Variants in CSMD1 observed in about 807,000 individuals in gnomAD.
CSMD1 encodes the protein CUB and Sushi multiple domains 1.
Under a neutral mutation model 417.5 loss-of-function variants are expected in CSMD1, and 213 were observed. That is an observed-to-expected ratio of 0.51 (90% CI 0.46 to 0.57). CSMD1 has a LOEUF of 0.57. CSMD1 is among the 20% of genes least tolerant of loss of function. The pLI is 0.00. For synonymous variants in CSMD1, 2,862 were observed against 1,736.8 expected, an observed-to-expected ratio of 1.65 and a Z score of -16.11; for missense variants, 6,923 against 4,529.7, an observed-to-expected ratio of 1.53 and a Z score of -15.17.
chr8:4,559,993 G>A (rs1411872442), intron 2 of CSMD1, among the ~76,000 whole-genome samples: 1 of 152,172 alleles, frequency 6.6e-6, no homozygotes, highest in Non-Finnish European at 1.5e-5. Context: ...TCCTGGCTGT[G>A]CTTCAAGAGA....
At chr8:4,081,653 A>G (rs1199654896) in intron 3 of CSMD1, among the ~76,000 whole-genome samples, 1 of 152,188 alleles carries the variant, frequency 6.6e-6, no homozygotes, top group Admixed American at 6.5e-5. Flanking sequence ...AATAGATACT[A>G]TGCTACACAA....
intron 24 of CSMD1, among the ~76,000 whole-genome samples, chr8:3,308,051 C>G (rs1563254125): frequency 7.1e-6 from 1 of 141,434 alleles, no homozygotes; most frequent in African/African-American, 2.9e-5. Context: ...ATAAGACACT[C>G]ATGTGATAAT....
At chr8:4,062,087 G>C (rs928124990) in intron 3 of CSMD1, among the ~76,000 whole-genome samples, 1 of 152,078 alleles carries the variant, frequency 6.6e-6, no homozygotes, top group East Asian at 1.9e-4. Context: ...CAGGAGAATG[G>C]CAAAGCATCA....
intron 3 of CSMD1, among the ~76,000 whole-genome samples, chr8:4,193,899 G>A (rs2131224830): frequency 6.6e-6 from 1 of 151,838 alleles, no homozygotes; most frequent in African/African-American, 2.4e-5. Context: ...CCTCCACGAA[G>A]GAAAGCGGCA....
At chr8:3,733,744 A>T (rs1413942861) in intron 6 of CSMD1, among the ~76,000 whole-genome samples, 1 of 152,146 alleles carries the variant, frequency 6.6e-6, no homozygotes, top group Non-Finnish European at 1.5e-5. Context: ...GTCTGTGTTC[A>T]AGTAACCCTT....
Position 4,267,008 on chromosome 8 carries a change from A to G in CSMD1, c.415+152945T>C, listed in dbSNP as rs183450046. 4.8e-5 allele frequency among the ~76,000 whole-genome samples: 5 copies of G among 104,806 alleles called. 2 individuals carry two copies. Among genetic ancestry groups the G allele is most frequent in the Non-Finnish European group, 1.3e-4 (5 of 38,754 alleles). The allele number at this position is 104,806 out of a possible 152,430, so 68.8% of individuals were successfully genotyped here. A position where few individuals can be genotyped will look rare whatever the true frequency, so the allele number is the denominator to read the frequency against. ...TAAAAATCACTTTTGTGATTTTTAC[A>G]AAACAAAAGCATAAAACCTAGTAAT... On this transcript the variant is annotated intron_variant, in intron 3 of 69. Coordinates refer to ENST00000635120, the MANE Select transcript of CSMD1 (RefSeq NM_033225.6).
intron 5 of CSMD1, among the ~76,000 whole-genome samples, chr8:3,765,430 T>G (rs964082633): frequency 6.6e-5 from 10 of 152,186 alleles, no homozygotes; most frequent in Admixed American, 2.6e-4. Flanking sequence ...TCCCTGGAAG[T>G]TACTGTGTGT....
intron 3 of CSMD1, among the ~76,000 whole-genome samples, chr8:4,083,466 C>T (rs1467534573): frequency 1.3e-5 from 2 of 152,146 alleles, no homozygotes; most frequent in African/African-American, 2.4e-5. Context: ...GTAACCAAAA[C>T]AGCATGGTAC....
intron 3 of CSMD1, among the ~76,000 whole-genome samples, chr8:4,039,856 T>C (rs866780943): frequency 6.6e-6 from 1 of 152,232 alleles, no homozygotes; most frequent in Non-Finnish European, 1.5e-5. Context: ...CTCCAGAAAG[T>C]GATTTTGTAA....
chr8:3,918,681 G>A (rs978035636), intron 5 of CSMD1, among the ~76,000 whole-genome samples: 1 of 152,216 alleles, frequency 6.6e-6, no homozygotes. Flanking sequence ...TTATATGATG[G>A]AATACTACTG....
chr8:4,299,971 A>G (rs576565717), intron 3 of CSMD1, among the ~76,000 whole-genome samples: 1 of 152,318 alleles, frequency 6.6e-6, no homozygotes, highest in South Asian at 2.1e-4. Context: ...TGTTGATAAT[A>G]GCTATTAGAA....
chr8:3,008,334 A>G (rs1808117177), intron 52 of CSMD1, among the ~76,000 whole-genome samples: 1 of 152,188 alleles, frequency 6.6e-6, no homozygotes, highest in South Asian at 2.1e-4. Context: ...CACACAGGGA[A>G]AACCACTCAC....
chr8:3,041,583 A>T (rs1172729861), intron 50 of CSMD1, among the ~76,000 whole-genome samples: 1 of 152,246 alleles, frequency 6.6e-6, no homozygotes, highest in Admixed American at 6.5e-5. Context: ...TGCTTGTAGC[A>T]TTTCAAAGAA....
At chr8:2,976,002 C>T (rs1338620360) in intron 55 of CSMD1, among the ~76,000 whole-genome samples, 3 of 152,186 alleles carry the variant, frequency 2.0e-5, no homozygotes, top group Non-Finnish European at 4.4e-5. Context: ...AAACCAATTT[C>T]TATGAAAAAT....
chr8:3,663,302 T>C (rs1261216838), intron 7 of CSMD1, among the ~76,000 whole-genome samples: 2 of 152,046 alleles, frequency 1.3e-5, no homozygotes, highest in Admixed American at 6.6e-5. Flanking sequence ...ATGTGGGCAG[T>C]AGAATATATT....
At chr8:4,072,614 T>C (rs60576892) in intron 3 of CSMD1, among the ~76,000 whole-genome samples, 17,528 of 152,222 alleles carry the variant, frequency 0.12, 1,182 homozygotes, top group Middle Eastern at 0.2. Context: ...GTTTTCTGTG[T>C]TTATGTTTTG....
intron 3 of CSMD1, among the ~76,000 whole-genome samples, chr8:4,100,759 A>T (rs1801263883): frequency 6.6e-6 from 1 of 152,194 alleles, no homozygotes; most frequent in East Asian, 1.9e-4. Context: ...GGACTACATA[A>T]ATGAAGTCAT....
intron 3 of CSMD1, among the ~76,000 whole-genome samples, chr8:4,371,042 T>C (rs1160705804): frequency 6.6e-6 from 1 of 152,222 alleles, no homozygotes; most frequent in African/African-American, 2.4e-5. Flanking sequence ...CATTCTCTTT[T>C]GTGAAGGCTA....
At chr8:3,689,746 C>A (rs1800136663) in intron 7 of CSMD1, among the ~76,000 whole-genome samples, 1 of 152,098 alleles carries the variant, frequency 6.6e-6, no homozygotes, top group Non-Finnish European at 1.5e-5. Context: ...AACATGATCA[C>A]TAAATAAAGC....
Sources: gnomAD v4.1 joint callset for allele counts (sites outside exome capture counted in the v4.1 genomes callset) on GRCh38, gnomAD v4.1.1 for gene constraint, MANE v1.5 for transcripts, NCBI Gene and HGNC (gene_info 2026-07-23, HGNC 2026-07-21) for gene names.